The following ATP6V0D1 variants were observed in gnomAD, a reference collection of about 807,000 sequenced individuals.
The protein encoded by ATP6V0D1 is ATPase H+ transporting V0 subunit d1.
Under a neutral mutation model 39.0 loss-of-function variants are expected in ATP6V0D1, and 13 were observed. That is an observed-to-expected ratio of 0.33 (90% confidence interval 0.22 to 0.53). The LOEUF is 0.53. Among genes scored for constraint, ATP6V0D1 ranks in the 20% least tolerant of loss-of-function variants. ATP6V0D1 has a pLI of 0.94. For synonymous variants in ATP6V0D1, 191 were observed against 191.2 expected (o/e 1.00, Z 0.01); for missense variants, 272 against 470.9 (o/e 0.58, Z 3.91).
chr16:67,441,809 AAAG>A (rs1255720829), intron 4 of ATP6V0D1: 10 of 152,238 alleles, frequency 6.6e-5, no homozygotes, highest in Admixed American at 1.3e-4. Context: ...CTGAAGGATT[AAAG>A]AAGCTGACGA....
intron 1 of ATP6V0D1, among the ~76,000 whole-genome samples, chr16:67,464,850 C>A (rs2041316675): frequency 6.6e-6 from 1 of 152,254 alleles, no homozygotes; most frequent in African/African-American, 2.4e-5. Context: ...CAGTGTCCAG[C>A]ACCAGTCAGG....
intron 1 of ATP6V0D1, among the ~76,000 whole-genome samples, chr16:67,469,474 G>A (rs568085794): frequency 7.4e-4 from 113 of 152,306 alleles, no homozygotes; most frequent in African/African-American, 2.7e-3. Context: ...GCTATACCTG[G>A]ACAGGGGCCC....
intron 1 of ATP6V0D1, among the ~76,000 whole-genome samples, chr16:67,469,316 T>A (rs529738990): frequency 1.3e-5 from 2 of 151,822 alleles, no homozygotes; most frequent in African/African-American, 4.8e-5. Flanking sequence ...TCAAAATAAA[T>A]AAATAAATAA....
Position 67,447,163 on chromosome 16 carries a change from A to G in ATP6V0D1, c.303-2457T>C, listed in dbSNP as rs1458291516. Among the ~76,000 whole-genome samples, 2 of 152,118 alleles carry G rather than the reference A, an allele frequency of 1.3e-5. No individual in the cohort carries two copies. The highest frequency in any genetic ancestry group is 2.9e-5 in the Non-Finnish European group (2 of 68,012). The stretch of plus-strand genomic sequence containing the variant: ...CTGAGCCTAGTAAGGGCCACTCACA[A>G]TCGCACTACCCCAGCCCCTTCAAGG... On this transcript the variant is annotated intron_variant, in intron 2 of 7. Transcript: ENST00000290949. This position sits in a 1 kb window ranked among gnomAD's most constrained non-coding sequence, Gnocchi z 4.1.
chr16:67,466,336 C>T (rs1208989215), intron 1 of ATP6V0D1, among the ~76,000 whole-genome samples: 6 of 131,200 alleles, frequency 4.6e-5, no homozygotes, highest in Non-Finnish European at 5.0e-5. Context: ...TACACACACA[C>T]ACACACACAC....
intron 4 of ATP6V0D1, chr16:67,440,699 G>A (rs1159003181): frequency 6.6e-6 from 1 of 152,308 alleles, no homozygotes; most frequent in African/African-American, 2.4e-5. Context: ...TGAGACCCAG[G>A]AGTCTGTGAG....
At chr16:67,477,888 C>T (rs958334031) in intron 1 of ATP6V0D1, among the ~76,000 whole-genome samples, 1 of 152,102 alleles carries the variant, frequency 6.6e-6, no homozygotes, top group Non-Finnish European at 1.5e-5. Context: ...CCAGGATGGT[C>T]TCGATCTCCT....
chr16:67,439,586 C>G, intron 4 of ATP6V0D1: 1 of 578,092 alleles, frequency 1.7e-6, no homozygotes, highest in South Asian at 2.1e-5. Context: ...CAGGGCCCAC[C>G]CGACTGTCTG....
chr16:67,466,666 T>C (rs1175266762), intron 1 of ATP6V0D1, among the ~76,000 whole-genome samples: 1 of 151,892 alleles, frequency 6.6e-6, no homozygotes, highest in African/African-American at 2.4e-5. Context: ...TGAGACCTTG[T>C]CTCTACCAAA....
intron 4 of ATP6V0D1, among the ~76,000 whole-genome samples, chr16:67,442,148 C>G (rs754767256): frequency 2.0e-5 from 3 of 152,272 alleles, no homozygotes; most frequent in Non-Finnish European, 2.9e-5. Flanking sequence ...CTTCCCCTAC[C>G]ACCAACCCTC....
chr16:67,450,749 G>A (rs1476873190), intron 2 of ATP6V0D1, among the ~76,000 whole-genome samples: 1 of 152,174 alleles, frequency 6.6e-6, no homozygotes, highest in African/African-American at 2.4e-5. Flanking sequence ...AGATACTGAA[G>A]AGAAGAATTC....
At chr16:67,478,521 C>T (rs920043708) in intron 1 of ATP6V0D1, among the ~76,000 whole-genome samples, 5 of 149,692 alleles carry the variant, frequency 3.3e-5, no homozygotes, top group South Asian at 2.1e-4. Context: ...GGCTGAGGCA[C>T]GAGAATGGCT....
At position 67,453,467 on chromosome 16, in the gene ATP6V0D1, G is replaced by A. The variant is rs986448833; in HGVS notation, c.302+77C>T. The A allele has an allele frequency of 9.0e-6, 14 of 1,553,622 alleles. No individual in the cohort carries two copies. The South Asian group carries it at 1.6e-4, about 17-fold the overall frequency. The stretch of plus-strand genomic sequence containing the variant: ...ACAGGCACGAAGGCAGCTAGCCTAA[G>A]CCACACTGAACCCAGCTCCTGCAGG... On this transcript the variant is annotated intron_variant, in intron 2 of 7. Coordinates refer to ENST00000290949, the MANE Select transcript of ATP6V0D1 (RefSeq NM_004691.5). The surrounding 1 kb of genome is among the most constrained non-coding windows in gnomAD (Gnocchi z 4.1).
rs2041094681 is a variant in ATP6V0D1, at chr16:67,444,700, A to G, written c.309T>C (p.Ser103=). 1 of 1,594,588 alleles carries G rather than the reference A, an allele frequency of 6.3e-7. No homozygotes were observed. The highest frequency in any genetic ancestry group is 8.6e-7 in the Non-Finnish European group (1 of 1,166,508). The change falls in exon 3 of 8, where the codon AGT becomes AGC. Residue 103 remains serine (S), a synonymous_variant. Coordinates refer to ENST00000290949, the MANE Select transcript of ATP6V0D1 (RefSeq NM_004691.5). This position sits in a 1 kb window ranked among gnomAD's most constrained non-coding sequence, Gnocchi z 4.8. ...GCAGGATCACGTTGTCGATCATGTA[A>G]CTGTAACTACAGGGGGCAGGCAATA... is the stretch of plus-strand genomic sequence containing the variant. ...LASFLDFITY[S]YMIDNVILLI...
chr16:67,451,072 G>A (rs367556375), intron 2 of ATP6V0D1, among the ~76,000 whole-genome samples: 3 of 152,306 alleles, frequency 2.0e-5, no homozygotes, highest in South Asian at 2.1e-4. Context: ...TGAGTAGGTA[G>A]AGCCAGAGGC....
intron 1 of ATP6V0D1, among the ~76,000 whole-genome samples, chr16:67,470,734 C>T (rs2041366113): frequency 6.6e-6 from 1 of 152,020 alleles, no homozygotes; most frequent in Admixed American, 6.6e-5. Flanking sequence ...TCCCCTCCCA[C>T]CCCCCAATCT....
intron 1 of ATP6V0D1, among the ~76,000 whole-genome samples, chr16:67,478,400 G>T (rs2041434041): frequency 6.6e-6 from 1 of 152,066 alleles, no homozygotes; most frequent in Non-Finnish European, 1.5e-5. Flanking sequence ...ATCACTTGAG[G>T]TCAGGAGTTC....
At chr16:67,452,258 C>T in intron 2 of ATP6V0D1, 1 of 1,535,520 alleles carries the variant, frequency 6.5e-7, no homozygotes. Flanking sequence ...GCCAGGGCAG[C>T]AAGGAGACTC....
Position 67,480,946 on chromosome 16 carries a change from C to A in ATP6V0D1, c.130+11G>T, listed in dbSNP as rs1390159864. ...CAGCCTCTATCCCCGCCTTTCGCGG[C>A]CCCGGCTCACCCTCTAGCGTCTCGC... On this transcript the variant is annotated intron_variant, in intron 1 of 7. Coordinates refer to ENST00000290949, the MANE Select transcript of ATP6V0D1 (RefSeq NM_004691.5). 1.1e-5 allele frequency: 17 copies of A among 1,613,474 alleles called. No individual in the cohort carries two copies. Among genetic ancestry groups the A allele is most frequent in the Non-Finnish European group, 1.4e-5 (16 of 1,179,576 alleles).
Sources: allele counts gnomAD v4.1 joint callset (sites outside exome capture counted in the v4.1 genomes callset), GRCh38; gene constraint gnomAD v4.1.1; non-coding constraint Gnocchi (gnomAD v3.1); transcripts MANE v1.5; gene names NCBI Gene and HGNC (gene_info 2026-07-23, HGNC 2026-07-21).